Variants in PLXDC2 observed in about 807,000 individuals in gnomAD.
The protein encoded by PLXDC2 is plexin domain-containing protein 2.
In PLXDC2, 40 loss-of-function variants were observed where a neutral mutation model predicts 68.9. The observed-to-expected ratio is 0.58, with a 90% CI of 0.45 to 0.76. The LOEUF is 0.76. Among genes scored for constraint, PLXDC2 ranks in the 30% least tolerant of loss-of-function variants. The pLI is 0.00. For synonymous variants in PLXDC2, 243 were observed against 234.2 expected, an observed-to-expected ratio of 1.04 and a Z score of -0.34; for missense variants, 644 against 661.9, an observed-to-expected ratio of 0.97 and a Z score of 0.30.
intron 1 of PLXDC2, among the ~76,000 whole-genome samples, chr10:19,828,079 G>A (rs1251261448): frequency 1.3e-5 from 2 of 152,212 alleles, no homozygotes; most frequent in Non-Finnish European, 2.9e-5. Flanking sequence ...GAACTATCAC[G>A]ATGGAGGAGT....
intron 1 of PLXDC2, among the ~76,000 whole-genome samples, chr10:19,864,774 G>A (rs1411812073): frequency 3.3e-5 from 5 of 152,200 alleles, no homozygotes; most frequent in Non-Finnish European, 7.3e-5. Context: ...GGGCAAACAA[G>A]TAAAGAGACT....
At chr10:20,067,386 T>C (rs981784830) in intron 3 of PLXDC2, among the ~76,000 whole-genome samples, 3 of 152,234 alleles carry the variant, frequency 2.0e-5, no homozygotes, top group African/African-American at 7.2e-5. Context: ...ATTTGAAACA[T>C]GAAAATGTCT....
intron 1 of PLXDC2, among the ~76,000 whole-genome samples, chr10:19,826,783 C>A (rs1836579938): frequency 6.6e-6 from 1 of 151,914 alleles, no homozygotes; most frequent in African/African-American, 2.4e-5. Flanking sequence ...TTATGAAAAC[C>A]TTTTGTTTTA....
At chr10:20,012,336 G>T (rs199498199) in intron 2 of PLXDC2, among the ~76,000 whole-genome samples, 19,923 of 33,022 alleles carry the variant, frequency 0.6, 7,977 homozygotes, top group South Asian at 0.84. Flanking sequence ...TTTTTTTTTG[G>T]AGAAGGAGAC....
intron 4 of PLXDC2, among the ~76,000 whole-genome samples, chr10:20,126,417 C>G (rs182866768): frequency 3.9e-5 from 3 of 76,252 alleles, no homozygotes; most frequent in Admixed American, 1.6e-4. Flanking sequence ...ATACAACACA[C>G]GTTATATATG....
chr10:20,266,302 A>G (rs1363009789), intron 13 of PLXDC2, among the ~76,000 whole-genome samples: 3 of 152,028 alleles, frequency 2.0e-5, no homozygotes, highest in Admixed American at 2.0e-4. Context: ...TCAAAGGCAG[A>G]TTAAGATTAT....
chr10:19,979,479 A>C (rs1028374469), intron 1 of PLXDC2, among the ~76,000 whole-genome samples: 10 of 151,732 alleles, frequency 6.6e-5, no homozygotes, highest in African/African-American at 2.4e-4. Context: ...CCCAGGTTCA[A>C]GTGGTTCTCC....
chr10:20,072,493 G>GAGGAAAGAA (rs1453220524), intron 4 of PLXDC2, among the ~76,000 whole-genome samples: 1 of 80,704 alleles, frequency 1.2e-5, no homozygotes, highest in Non-Finnish European at 2.4e-5. Flanking sequence ...AAGAAAGAAA[G>GAGGAAAGAA]AGAAAGAAAG....
intron 1 of PLXDC2, among the ~76,000 whole-genome samples, chr10:19,882,893 T>C (rs936514848): frequency 4.6e-5 from 7 of 151,986 alleles, no homozygotes; most frequent in Non-Finnish European, 7.4e-5. Flanking sequence ...TTGTTTTTGC[T>C]TTTGTTTTTC....
chr10:19,913,753 A>G (rs2131375789), intron 1 of PLXDC2, among the ~76,000 whole-genome samples: 1 of 152,224 alleles, frequency 6.6e-6, no homozygotes, highest in Non-Finnish European at 1.5e-5. Flanking sequence ...GGGAGTGGGG[A>G]ATTACTTTCA....
At chr10:19,930,227 C>T (rs1343526457) in intron 1 of PLXDC2, among the ~76,000 whole-genome samples, 1 of 152,076 alleles carries the variant, frequency 6.6e-6, no homozygotes, top group African/African-American at 2.4e-5. Flanking sequence ...TGACCGAAAT[C>T]AATTTAAAAA....
At chr10:20,094,771 G>A (rs1833326108) in intron 4 of PLXDC2, among the ~76,000 whole-genome samples, 1 of 152,146 alleles carries the variant, frequency 6.6e-6, no homozygotes, top group African/African-American at 2.4e-5. Context: ...ATCATTTAGA[G>A]TCATCAAATA....
chr10:19,967,256 G>C (rs1409297001), intron 1 of PLXDC2, among the ~76,000 whole-genome samples: 3 of 152,154 alleles, frequency 2.0e-5, no homozygotes, highest in African/African-American at 7.2e-5. Flanking sequence ...GAACCAATGT[G>C]AGTTCATTAG....
rs186932779 is a variant in PLXDC2 at position 20,242,827 on chromosome 10, A to C, written c.1313-2518A>C. Among the ~76,000 whole-genome samples the C allele has an allele frequency of 9.9e-5, 15 of 152,196 alleles. No homozygotes were observed. In the East Asian group the frequency reaches 2.9e-3, roughly 30 times the overall value. On this transcript the variant is annotated intron_variant, in intron 12 of 13. Coordinates refer to ENST00000377252, the MANE Select transcript of PLXDC2 (RefSeq NM_032812.9). ...CAGGTTCAAGCAATTCTCCTGTCTC[A>C]GCCTCCTGAGTAGCTGCGATTATAG...
intron 1 of PLXDC2, among the ~76,000 whole-genome samples, chr10:19,838,178 G>T (rs1282151589): frequency 6.6e-6 from 1 of 151,972 alleles, no homozygotes; most frequent in Non-Finnish European, 1.5e-5. Flanking sequence ...GCCCAGGCTG[G>T]TCTCAAACTT....
At chr10:20,243,796 C>T (rs544281828) in intron 12 of PLXDC2, among the ~76,000 whole-genome samples, 4 of 152,300 alleles carry the variant, frequency 2.6e-5, no homozygotes, top group East Asian at 1.9e-4. Flanking sequence ...CAAAGGCTCA[C>T]GCCTGTAATC....
Position 19,844,596 on chromosome 10 carries a change from A to AT in PLXDC2, c.112+27414dup, listed in dbSNP as rs375508398. On this transcript the variant is annotated intron_variant, in intron 1 of 13. Coordinates refer to ENST00000377252, the MANE Select transcript of PLXDC2 (RefSeq NM_032812.9). The stretch of plus-strand genomic sequence containing the variant: ...TTTATTTTTATTTTTATTTTTCAAT[A>AT]TTTTTTTTTCTTTTTTCTTTTTGAG... 8.1e-5 allele frequency among the ~76,000 whole-genome samples: 11 copies of AT among 136,460 alleles called. No individual in the cohort carries two copies. The South Asian group carries it at 1.4e-3, about 17-fold the overall frequency. 89.5% of individuals were successfully genotyped at this position (136,460 alleles called of 152,430 possible).
intron 6 of PLXDC2, among the ~76,000 whole-genome samples, chr10:20,157,829 A>G (rs1322019895): frequency 6.6e-6 from 1 of 152,204 alleles, no homozygotes; most frequent in Non-Finnish European, 1.5e-5. Flanking sequence ...CAAAAATTAT[A>G]CTGTTATTTA....
intron 3 of PLXDC2, among the ~76,000 whole-genome samples, chr10:20,054,292 G>A (rs147447212): frequency 1.2e-3 from 190 of 152,010 alleles, no homozygotes; most frequent in African/African-American, 4.4e-3. Flanking sequence ...GCAAGGGTGG[G>A]GAGTCTCGCT....
Sources: allele counts gnomAD v4.1 joint callset (sites outside exome capture counted in the v4.1 genomes callset), GRCh38; gene constraint gnomAD v4.1.1; transcripts MANE v1.5; gene names NCBI Gene and HGNC (gene_info 2026-07-23, HGNC 2026-07-21).